The following ALK variants were observed in gnomAD, a reference collection of about 807,000 sequenced individuals.
ALK encodes ALK tyrosine kinase receptor.
ALK carries 74 observed loss-of-function variants against 163.1 expected under a neutral mutation model. The observed-to-expected ratio is 0.45, with a 90% CI of 0.38 to 0.55. ALK has a LOEUF of 0.55. Ranked by LOEUF, ALK falls within the 20% of genes least tolerant of loss-of-function variation. The pLI is 0.00. For missense variants in ALK, 2,063 were observed against 2,105.3 expected, an observed-to-expected ratio of 0.98 and a Z score of 0.39; for synonymous variants, 960 against 843.2, an observed-to-expected ratio of 1.14 and a Z score of -2.40.
chr2:29,430,866 C>A (rs1416887646), intron 4 of ALK, among the ~76,000 whole-genome samples: 5 of 152,158 alleles, frequency 3.3e-5, no homozygotes, highest in Non-Finnish European at 7.3e-5. Context: ...ACACCTTGAT[C>A]GGGAACTTCA....
intron 4 of ALK, among the ~76,000 whole-genome samples, chr2:29,408,797 C>T (rs994452473): frequency 4.6e-5 from 7 of 152,132 alleles, no homozygotes; most frequent in South Asian, 2.1e-4. Flanking sequence ...ATTCTGGAGG[C>T]GGGCAGACCT....
At chr2:29,830,806 A>T (rs1197054384) in intron 1 of ALK, among the ~76,000 whole-genome samples, 3 of 141,310 alleles carry the variant, frequency 2.1e-5, no homozygotes, top group Non-Finnish European at 3.0e-5. Flanking sequence ...TGGGAGGCTG[A>T]GGTGGGAGGA....
chr2:29,372,832 A>G (rs1668669103), intron 5 of ALK, among the ~76,000 whole-genome samples: 1 of 152,206 alleles, frequency 6.6e-6, no homozygotes, highest in African/African-American at 2.4e-5. Context: ...AAACAGAGAT[A>G]GAGGTGAGGT....
chr2:29,682,994 A>C (rs1678122219), intron 3 of ALK, among the ~76,000 whole-genome samples: 1 of 152,208 alleles, frequency 6.6e-6, no homozygotes, highest in South Asian at 2.1e-4. Flanking sequence ...GCATATTTCC[A>C]AATACTAACA....
chr2:29,371,565 A>T (rs1402859581), intron 5 of ALK, among the ~76,000 whole-genome samples: 1 of 152,190 alleles, frequency 6.6e-6, no homozygotes, highest in African/African-American at 2.4e-5. Context: ...AACAAACAAA[A>T]CAAATCAACA....
chr2:29,680,924 G>A (rs552570563), intron 3 of ALK: 33 of 152,210 alleles, frequency 2.2e-4, no homozygotes, highest in African/African-American at 7.0e-4. Context: ...TAACTTGGCT[G>A]GGTTCTATCT....
At position 29,699,694 on chromosome 2, in the gene ALK, T is replaced by C. The variant is rs150995502; in HGVS notation, c.788-4680A>G. ...GACCTTCAGGAGGATCCAGAGATCT[T>C]GACCTTTTTTTGTTTTAACCCAAGA... On this transcript the variant is annotated intron_variant, in intron 2 of 28. Coordinates refer to ENST00000389048, the MANE Select transcript of ALK (RefSeq NM_004304.5). Among the ~76,000 whole-genome samples, 39 of 152,360 alleles carry C rather than the reference T, an allele frequency of 2.6e-4. No individual in the cohort carries two copies. In the East Asian group the frequency reaches 3.3e-3, roughly 13 times the overall value.
At chr2:29,382,591 C>G (rs911029014) in intron 5 of ALK, among the ~76,000 whole-genome samples, 2 of 152,172 alleles carry the variant, frequency 1.3e-5, no homozygotes, top group Non-Finnish European at 2.9e-5. Context: ...GGTTCCATTT[C>G]AACAGATGGC....
intron 1 of ALK, among the ~76,000 whole-genome samples, chr2:29,770,930 C>T (rs1306252378): frequency 6.6e-6 from 1 of 151,936 alleles, no homozygotes; most frequent in African/African-American, 2.4e-5. Flanking sequence ...CACGCAGTCA[C>T]ACACACATAG....
At chr2:29,614,843 C>T (rs941321422) in intron 3 of ALK, among the ~76,000 whole-genome samples, 4 of 152,162 alleles carry the variant, frequency 2.6e-5, no homozygotes, top group South Asian at 2.1e-4. Context: ...TGGTTTTTGG[C>T]TATCAATTCC....
At chr2:29,525,920 G>A (rs1477892235) in intron 4 of ALK, among the ~76,000 whole-genome samples, 1 of 152,172 alleles carries the variant, frequency 6.6e-6, no homozygotes, top group Non-Finnish European at 1.5e-5. Context: ...TTCCTCTTAA[G>A]AGGACTAGCA....
At chr2:29,666,826 T>C (rs1275819016) in intron 3 of ALK, among the ~76,000 whole-genome samples, 1 of 152,074 alleles carries the variant, frequency 6.6e-6, no homozygotes, top group Non-Finnish European at 1.5e-5. Flanking sequence ...GTATATATTC[T>C]TCCCCTTCAC....
intron 4 of ALK, among the ~76,000 whole-genome samples, chr2:29,450,677 G>A (rs1670797763): frequency 6.6e-6 from 1 of 152,178 alleles, no homozygotes; most frequent in Non-Finnish European, 1.5e-5. Context: ...TAAGTCTACT[G>A]ATTCATGGAG....
At chr2:29,564,242 C>T (rs1674110898) in intron 3 of ALK, among the ~76,000 whole-genome samples, 1 of 151,436 alleles carries the variant, frequency 6.6e-6, no homozygotes, top group Non-Finnish European at 1.5e-5. Flanking sequence ...ACCCCATGAA[C>T]AAACAATTCT....
At chr2:29,717,427 C>T in intron 2 of ALK, 151 bp downstream of exon 2, 1 of 923,694 alleles carries the variant, frequency 1.1e-6, no homozygotes, top group Non-Finnish European at 1.7e-6. Context: ...TTGAGCGTCA[C>T]TGGGAGACAG....
chr2:29,772,060 G>A (rs1318310576), intron 1 of ALK, among the ~76,000 whole-genome samples: 3 of 152,144 alleles, frequency 2.0e-5, no homozygotes, highest in Non-Finnish European at 4.4e-5. Context: ...TGAGGCAGAT[G>A]GCAGGGCCCA....
At chr2:29,641,879 T>A (rs1168466563) in intron 3 of ALK, among the ~76,000 whole-genome samples, 1 of 152,198 alleles carries the variant, frequency 6.6e-6, no homozygotes, top group Non-Finnish European at 1.5e-5. Flanking sequence ...TCTCTGGGCC[T>A]CAGTTTTGCT....
intron 1 of ALK, among the ~76,000 whole-genome samples, chr2:29,762,864 G>A (rs570405558): frequency 1.2e-4 from 19 of 152,116 alleles, no homozygotes; most frequent in Admixed American, 1.0e-3. Flanking sequence ...CGAGGCGGGC[G>A]GATCACGAGG....
At chr2:29,413,809 A>G (rs1669796116) in intron 4 of ALK, among the ~76,000 whole-genome samples, 1 of 152,172 alleles carries the variant, frequency 6.6e-6, no homozygotes, top group Non-Finnish European at 1.5e-5. Flanking sequence ...CTAGGATTAC[A>G]GGCTTGAGGC....
Sources: gnomAD v4.1 joint callset for allele counts (sites outside exome capture counted in the v4.1 genomes callset) on GRCh38, gnomAD v4.1.1 for gene constraint, MANE v1.5 for transcripts, NCBI Gene and HGNC (gene_info 2026-07-23, HGNC 2026-07-21) for gene names.